RAP1A: variants seen among roughly 807,000 people sequenced by gnomAD.
RAP1A encodes RAP1A, member of RAS oncogene family, also known as ras-related protein Rap-1A.
A neutral mutation model predicts 26.4 loss-of-function variants in RAP1A; 6 were observed. The observed-to-expected ratio is 0.23, with a 90% CI of 0.12 to 0.45. The LOEUF is 0.45. Ranked by LOEUF, RAP1A falls within the 20% of genes least tolerant of loss-of-function variation. The pLI is 0.99. For synonymous variants in RAP1A, 73 were observed against 79.4 expected (o/e 0.92, Z 0.43); for missense variants, 121 against 217.2 (o/e 0.56, Z 2.78).
intron 7 of RAP1A, 48 bp downstream of exon 7, chr1:111,709,312 G>T: frequency 6.7e-7 from 1 of 1,497,216 alleles, no homozygotes. Flanking sequence ...CTCCTATTTT[G>T]GCTTTTTCCA....
chr1:111,670,440 C>G (rs574190650), intron 1 of RAP1A, among the ~76,000 whole-genome samples: 1 of 152,196 alleles, frequency 6.6e-6, no homozygotes, highest in African/African-American at 2.4e-5. Context: ...TGCCACTGCA[C>G]TCCAGCCTGG....
At chr1:111,682,597 AT>A (rs974015035) in intron 1 of RAP1A, among the ~76,000 whole-genome samples, 7 of 152,316 alleles carry the variant, frequency 4.6e-5, no homozygotes, top group African/African-American at 1.4e-4. Flanking sequence ...GCATTACATA[AT>A]GATAAAGGGA....
At chr1:111,642,436 C>T (rs1659919458) in intron 1 of RAP1A, among the ~76,000 whole-genome samples, 1 of 151,434 alleles carries the variant, frequency 6.6e-6, no homozygotes, top group Non-Finnish European at 1.5e-5. Flanking sequence ...TTACCCCTTT[C>T]TTGCTTATTC....
chr1:111,547,282 G>A (rs188338084), intron 1 of RAP1A, among the ~76,000 whole-genome samples: 7 of 151,652 alleles, frequency 4.6e-5, no homozygotes, highest in Admixed American at 2.0e-4. Context: ...TTTCTGGTCT[G>A]GTGTGTTTTT....
At chr1:111,691,922 G>C (rs1279652537) in intron 2 of RAP1A, among the ~76,000 whole-genome samples, 1 of 152,172 alleles carries the variant, frequency 6.6e-6, no homozygotes, top group Non-Finnish European at 1.5e-5. Context: ...TAGTGGAGGA[G>C]ATGTAATAAA....
chr1:111,632,364 GA>G (rs1400853946), intron 1 of RAP1A, among the ~76,000 whole-genome samples: 1 of 151,812 alleles, frequency 6.6e-6, no homozygotes, highest in African/African-American at 2.4e-5. Flanking sequence ...TCTTTTAAAT[GA>G]ATATCATAGG....
At chr1:111,567,238 G>A (rs2101053185) in intron 1 of RAP1A, among the ~76,000 whole-genome samples, 1 of 152,266 alleles carries the variant, frequency 6.6e-6, no homozygotes, top group South Asian at 2.1e-4. Context: ...GTGCAGAGAG[G>A]AGGAGAACTC....
At chr1:111,593,464 T>C (rs926266866) in intron 1 of RAP1A, among the ~76,000 whole-genome samples, 1 of 152,066 alleles carries the variant, frequency 6.6e-6, no homozygotes, top group East Asian at 1.9e-4. Context: ...AAACCTTATC[T>C]TGAAGTGTAG....
chr1:111,667,876 G>A (rs1660846285), intron 1 of RAP1A, among the ~76,000 whole-genome samples: 2 of 152,146 alleles, frequency 1.3e-5, no homozygotes, highest in African/African-American at 4.8e-5. Flanking sequence ...GCCTATTTTT[G>A]TCTTGATGGC....
At chr1:111,613,477 G>T (rs1658962098) in intron 1 of RAP1A, among the ~76,000 whole-genome samples, 1 of 152,202 alleles carries the variant, frequency 6.6e-6, no homozygotes, top group Non-Finnish European at 1.5e-5. Flanking sequence ...GGGATTACAG[G>T]CGTTAGCCAC....
chr1:111,688,818 T>TG (rs1407232896), intron 1 of RAP1A, among the ~76,000 whole-genome samples: 15 of 73,490 alleles, frequency 2.0e-4, no homozygotes, highest in African/African-American at 7.8e-4. Flanking sequence ...GTTTTTTTTT[T>TG]TTTGTTTTTT....
At chr1:111,607,934 G>C (rs1171262095) in intron 1 of RAP1A, among the ~76,000 whole-genome samples, 3 of 141,248 alleles carry the variant, frequency 2.1e-5, no homozygotes, top group Admixed American at 6.9e-5. Context: ...CTTCCCAGTA[G>C]AGGCGGCAGG....
chr1:111,651,051 C>T (rs1203549284), intron 1 of RAP1A, among the ~76,000 whole-genome samples: 6 of 152,176 alleles, frequency 3.9e-5, no homozygotes, highest in African/African-American at 1.2e-4. Context: ...ATCCGCCCGC[C>T]TCGGCCTCCC....
Position 111,715,319 on chromosome 1 carries a change from G to GC in RAP1A, c.*2926dup, listed in dbSNP as rs369349380. The GC allele has an allele frequency of 0.015, 2,183 of 143,026 alleles. 109 individuals are homozygous for GC. Among genetic ancestry groups the GC allele is most frequent in the African/African-American group, 0.054 (1,920 of 35,736 alleles). 8.9% of individuals were successfully genotyped at this position (143,026 alleles called of 1,614,324 possible). A position where few individuals can be genotyped will look rare whatever the true frequency, so the allele number is the denominator to read the frequency against. On this transcript the variant is annotated 3_prime_UTR_variant, in exon 8 of 8. Transcript: ENST00000369709. ...TCTTGAACTCCTGACTTCGTGATCC[G>GC]CCCCCCCCTCAGCCTCCCAAAGTGC...
intron 1 of RAP1A, among the ~76,000 whole-genome samples, chr1:111,601,789 C>T (rs1372693204): frequency 6.6e-6 from 1 of 152,140 alleles, no homozygotes. Flanking sequence ...ATAATACCTT[C>T]CTCATGGGAT....
At chr1:111,592,448 A>C (rs1658487800) in intron 1 of RAP1A, among the ~76,000 whole-genome samples, 2 of 152,188 alleles carry the variant, frequency 1.3e-5, no homozygotes, top group African/African-American at 4.8e-5. Context: ...AGCCAAAGGC[A>C]CATGTATATT....
intron 1 of RAP1A, among the ~76,000 whole-genome samples, chr1:111,560,910 G>T (rs768389783): frequency 6.6e-6 from 1 of 152,126 alleles, no homozygotes. Context: ...AGCCCAATTT[G>T]CTCTTCCTCC....
intron 1 of RAP1A, among the ~76,000 whole-genome samples, chr1:111,625,071 G>A (rs896171073): frequency 2.6e-5 from 4 of 152,072 alleles, no homozygotes; most frequent in East Asian, 1.9e-4. Flanking sequence ...TTTAGTGTCC[G>A]AATGTATTTA....
chr1:111,697,197 C>T (rs371592119), intron 3 of RAP1A, among the ~76,000 whole-genome samples: 2 of 152,036 alleles, frequency 1.3e-5, no homozygotes, highest in African/African-American at 2.4e-5. Context: ...AAATAAGAAT[C>T]GTTACAGAGG....
Sources: allele counts gnomAD v4.1 joint callset (sites outside exome capture counted in the v4.1 genomes callset), GRCh38; gene constraint gnomAD v4.1.1; transcripts MANE v1.5; gene names NCBI Gene and HGNC (gene_info 2026-07-23, HGNC 2026-07-21).